CDH2: variants seen among roughly 807,000 people sequenced by gnomAD.
The protein encoded by CDH2 is cadherin-2.
In CDH2, 17 loss-of-function variants were observed where a neutral mutation model predicts 92.0. The observed-to-expected ratio is 0.18, with a 90% CI of 0.13 to 0.28. The LOEUF is 0.28. Among genes scored for constraint, CDH2 ranks in the 10% least tolerant of loss-of-function variants. CDH2 has a pLI of 1.00. For missense variants in CDH2, 862 were observed against 1,133.1 expected, an observed-to-expected ratio of 0.76 and a Z score of 3.44; for synonymous variants, 419 against 415.9, an observed-to-expected ratio of 1.01 and a Z score of -0.09.
rs1339020842 is a variant in CDH2, at chr18:28,147,754, A to G, written c.91T>C (p.Leu31=). 1.2e-6 allele frequency: 2 copies of G among 1,612,000 alleles called. No homozygotes were observed. The highest frequency in any genetic ancestry group is 1.7e-6 in the Non-Finnish European group (2 of 1,179,004). ...ASVEASGEIA[L]CKTGFPEDVY... ...TCTTCAGGAAATCCAGTCTTGCATAATGCGATTTCACCAGAAGCCTCTACA... is the reference window on the plus strand; with the variant it reads ...TCTTCAGGAAATCCAGTCTTGCATAGTGCGATTTCACCAGAAGCCTCTACA... Residue 31 remains leucine, a synonymous_variant, in exon 2 of 16, where the codon TTA becomes CTA. Coordinates refer to ENST00000269141, the MANE Select transcript of CDH2 (RefSeq NM_001792.5).
At chr18:28,066,394 T>A (rs577905989) in intron 2 of CDH2, among the ~76,000 whole-genome samples, 1 of 152,268 alleles carries the variant, frequency 6.6e-6, no homozygotes, top group East Asian at 1.9e-4. Flanking sequence ...GTTGCCACCT[T>A]TAGCACAAGA....
At chr18:27,957,067 T>C (rs953082011) in intron 15 of CDH2, among the ~76,000 whole-genome samples, 1 of 152,044 alleles carries the variant, frequency 6.6e-6, no homozygotes, top group Non-Finnish European at 1.5e-5. Flanking sequence ...TGCACTTCTA[T>C]GTTGTTTATT....
chr18:28,019,116 G>A (rs2013336353), intron 2 of CDH2, among the ~76,000 whole-genome samples: 1 of 151,804 alleles, frequency 6.6e-6, no homozygotes, highest in African/African-American at 2.4e-5. Context: ...AGGTGTAAAT[G>A]ATGCAATGGA....
intron 1 of CDH2, among the ~76,000 whole-genome samples, chr18:28,166,162 ATATATATATATG>A (rs1411483907): frequency 1.4e-5 from 2 of 138,030 alleles, no homozygotes; most frequent in Admixed American, 7.2e-5. Flanking sequence ...ATATATATAT[ATATATATATATG>A]TCTGTATTTT....
At chr18:28,173,815 A>AT (rs1023752498) in intron 1 of CDH2, among the ~76,000 whole-genome samples, 2 of 151,976 alleles carry the variant, frequency 1.3e-5, no homozygotes, top group Non-Finnish European at 2.9e-5. Flanking sequence ...AGCAACATTG[A>AT]TTTTTTTTCT....
intron 4 of CDH2, 25 bp from the exon 5 acceptor site, chr18:28,009,897 T>C: frequency 6.3e-7 from 1 of 1,584,684 alleles, no homozygotes; most frequent in Non-Finnish European, 8.6e-7. Flanking sequence ...AACAATGACA[T>C]TAAGTGAGAG....
intron 5 of CDH2, 72 bp from the exon 6 acceptor site, chr18:28,006,065 G>A: frequency 4.1e-6 from 5 of 1,222,242 alleles, no homozygotes; most frequent in Non-Finnish European, 5.8e-6. Flanking sequence ...TCATCATAAG[G>A]CTACAAAAAT....
chr18:27,990,484 T>C, intron 9 of CDH2, 134 bp from the exon 10 acceptor site: 6 of 774,204 alleles, frequency 7.7e-6, no homozygotes, highest in Non-Finnish European at 1.2e-5. Flanking sequence ...CTCTCAAGTT[T>C]CTGGAAAACA....
At chr18:28,016,555 C>T (rs2013252331) in intron 2 of CDH2, among the ~76,000 whole-genome samples, 1 of 152,128 alleles carries the variant, frequency 6.6e-6, no homozygotes, top group Non-Finnish European at 1.5e-5. Flanking sequence ...AAAGACACTT[C>T]AGATTATGTC....
At chr18:28,071,121 G>T (rs137933360) in intron 2 of CDH2, among the ~76,000 whole-genome samples, 1 of 151,906 alleles carries the variant, frequency 6.6e-6, no homozygotes, top group Non-Finnish European at 1.5e-5. Context: ...TTGGGGCAGG[G>T]TCTTAGCTTT....
chr18:28,164,999 A>T (rs1024344881), intron 1 of CDH2, among the ~76,000 whole-genome samples: 2 of 152,154 alleles, frequency 1.3e-5, no homozygotes, highest in Admixed American at 6.5e-5. Flanking sequence ...CTGAGCTATA[A>T]TTTATCTGGT....
At chr18:27,975,376 G>C (rs960990553) in intron 14 of CDH2, among the ~76,000 whole-genome samples, 1 of 152,206 alleles carries the variant, frequency 6.6e-6, no homozygotes, top group Non-Finnish European at 1.5e-5. Context: ...TGACAGAAAA[G>C]TCCTCATCCC....
chr18:27,933,655 T>A (rs1305959588), intron 6 of CDH2, among the ~76,000 whole-genome samples: 4 of 152,190 alleles, frequency 2.6e-5, no homozygotes, highest in African/African-American at 9.6e-5. Flanking sequence ...GCTTTTACTT[T>A]GAGAGATTAA....
intron 1 of CDH2, among the ~76,000 whole-genome samples, chr18:28,162,610 T>A (rs2016322763): frequency 6.6e-6 from 1 of 152,174 alleles, no homozygotes; most frequent in African/African-American, 2.4e-5. Flanking sequence ...ATCTTTTAAA[T>A]CCTCATTCTA....
chr18:28,109,568 C>G (rs1225686787), intron 2 of CDH2, among the ~76,000 whole-genome samples: 1 of 152,034 alleles, frequency 6.6e-6, no homozygotes, highest in Non-Finnish European at 1.5e-5. Context: ...AGGGAATAAC[C>G]ATACAAATAA....
chr18:28,011,924 C>T lies in CDH2; in HGVS notation c.468G>A (p.Arg156=). The change falls in exon 4 of 16, where the codon AGG becomes AGA. Residue 156 remains arginine, a synonymous_variant. Transcript: ENST00000269141. ...GAGGGATGACCCAGTCTCTCTTCTG[C>T]CTTTGTAGGTGGCCACTGTGCTTAC... is the stretch of plus-strand genomic sequence containing the variant. The part of the protein sequence containing the change: ...QFSKHSGHLQ[R]QKRDWVIPPI... 6.2e-7 allele frequency: 1 copy of T among 1,613,930 alleles called. No homozygotes were observed. Among genetic ancestry groups the T allele is most frequent in the Non-Finnish European group, 8.5e-7 (1 of 1,179,862 alleles).
intron 14 of CDH2, among the ~76,000 whole-genome samples, chr18:27,968,720 G>C (rs1365877630): frequency 1.3e-5 from 2 of 152,034 alleles, no homozygotes; most frequent in Admixed American, 1.3e-4. Context: ...TAGCTGCAAA[G>C]GCAAATGACT....
At chr18:27,937,526 G>A (rs955966956) in intron 6 of CDH2, among the ~76,000 whole-genome samples, 17 of 152,100 alleles carry the variant, frequency 1.1e-4, no homozygotes, top group Admixed American at 5.2e-4. Context: ...CCCTTTGTTC[G>A]TTTTAATACA....
chr18:28,088,077 C>CA (rs1386614868), intron 2 of CDH2, among the ~76,000 whole-genome samples: 1 of 152,106 alleles, frequency 6.6e-6, no homozygotes, highest in Non-Finnish European at 1.5e-5. Context: ...AATATTAAAC[C>CA]AGACAGTAAG....
Sources: allele counts gnomAD v4.1 joint callset (sites outside exome capture counted in the v4.1 genomes callset), GRCh38; gene constraint gnomAD v4.1.1; transcripts MANE v1.5; gene names NCBI Gene and HGNC (gene_info 2026-07-23, HGNC 2026-07-21).